The following KIF27 variants were observed in gnomAD, a reference collection of about 807,000 sequenced individuals.
KIF27 encodes the protein kinesin-like protein KIF27.
Under a neutral mutation model 141.8 loss-of-function variants are expected in KIF27, and 84 were observed. The ratio of observed to expected loss-of-function variants is 0.59; its 90% CI spans 0.50 to 0.71. The LOEUF is 0.71. KIF27 is among the 30% of genes least tolerant of loss of function. The probability of loss-of-function intolerance (pLI) is 0.00; values close to 1 mark genes in which losing one functional copy is unlikely to be tolerated. For synonymous variants in KIF27, 471 were observed against 569.5 expected (o/e 0.83, Z 2.46); for missense variants, 1,306 against 1,628.4 (o/e 0.80, Z 3.41).
chr9:83,883,472 T>C (rs1190904680), intron 10 of KIF27, among the ~76,000 whole-genome samples: 2 of 152,210 alleles, frequency 1.3e-5, no homozygotes, highest in African/African-American at 4.8e-5. Flanking sequence ...ATTTGTTGAG[T>C]GTCTACAAAG....
Position 83,908,533 on chromosome 9 carries a change from T to C in KIF27, c.418A>G (p.Lys140Glu), listed in dbSNP as rs748921730. ...TCTAGAAGATCTCTTAGGTCTTCCT[T>C]GTACACTTCTATATAAGATACTTTT... is the stretch of plus-strand genomic sequence containing the variant. Reference protein sequence around the residue: ...NVKVSYIEVYKEDLRDLLELE... With the variant: ...NVKVSYIEVYEEDLRDLLELE... The change falls in exon 3 of 18, where the codon AAG becomes GAG. Residue 140 changes from lysine to glutamate, a missense_variant. By Grantham distance (56) the Lys-to-Glu change is moderately conservative. Transcript: ENST00000297814. 3.7e-6 allele frequency: 6 copies of C among 1,610,466 alleles called. 1 individual carries two copies. In the South Asian group the frequency reaches 4.4e-5, roughly 12 times the overall value.
At position 83,860,702 on chromosome 9, in the gene KIF27, G is replaced by A. The variant is rs192705429; in HGVS notation, c.2935-1331C>T. ...TTCTTTTCTGGAAACATTTTGCCTG[G>A]AGCATCCATCCTCCTGCTCCACACT... On this transcript the variant is annotated intron_variant, in intron 13 of 17. Transcript: ENST00000297814. Among the ~76,000 whole-genome samples, 57 of 152,176 alleles carry A rather than the reference G, an allele frequency of 3.7e-4. No individual in the cohort carries two copies. In the East Asian group the frequency reaches 5.6e-3, roughly 15 times the overall value.
intron 3 of KIF27, among the ~76,000 whole-genome samples, chr9:83,907,975 A>G (rs1423236457): frequency 6.6e-6 from 1 of 152,158 alleles, no homozygotes; most frequent in Non-Finnish European, 1.5e-5. Context: ...TTTAAGAGAG[A>G]TTAATAGGCT....
Position 83,860,202 on chromosome 9 carries a change from A to G in KIF27, c.2935-831T>C, listed in dbSNP as rs1466679418. The G allele has an allele frequency of 3.3e-5, 5 of 152,176 alleles. No individual in the cohort carries two copies. The East Asian group carries it at 5.8e-4, about 18-fold the overall frequency. 9.4% of individuals were successfully genotyped at this position (152,176 alleles called of 1,614,324 possible). On this transcript the variant is annotated intron_variant, in intron 13 of 17. Transcript: ENST00000297814. ...TTCACAGTAATTATTTGTATATACT[A>G]CCATAAGGTTTATTATAGAGACACA...
Position 83,836,959 on chromosome 9 carries a change from G to A in KIF27, c.*42C>T, listed in dbSNP as rs566683803. On this transcript the variant is annotated 3_prime_UTR_variant, in exon 18 of 18. Transcript: ENST00000297814. ...TTAGTTTTTAACAGGTTAGAAAAAG[G>A]AATCTTTTTACATATCTACTAAAAG... The A allele has an allele frequency of 1.3e-6, 2 of 1,568,778 alleles. No individual in the cohort carries two copies. Among genetic ancestry groups the A allele is most frequent in the African/African-American group, 1.4e-5 (1 of 72,952 alleles).
rs746153634 is a variant in KIF27, at chr9:83,842,355, A to G, written c.3603T>C (p.Asp1201=). Residue 1201 remains aspartate, a synonymous_variant, in exon 17 of 18, where the codon GAT becomes GAC. Transcript: ENST00000297814. ...GATCTTTTTCCAACTGCTGGATTTTATCTTCATATGTTTTGAAAGTTTCCA... is the reference window on the plus strand; with the variant it reads ...GATCTTTTTCCAACTGCTGGATTTTGTCTTCATATGTTTTGAAAGTTTCCA... ...GIMETFKTYE[D]KIQQLEKDLY... 1.1e-5 allele frequency: 17 copies of G among 1,546,850 alleles called. No individual in the cohort carries two copies. The Admixed American group carries it at 3.5e-4, about 32-fold the overall frequency.
chr9:83,879,334 G>T (rs2132178047), intron 11 of KIF27, among the ~76,000 whole-genome samples: 1 of 148,900 alleles, frequency 6.7e-6, no homozygotes, highest in Middle Eastern at 3.4e-3. Flanking sequence ...TTTTTTTAAG[G>T]TCGGAAAATA....
At chr9:83,879,614 C>T (rs1420405531) in intron 11 of KIF27, among the ~76,000 whole-genome samples, 15 of 152,090 alleles carry the variant, frequency 9.9e-5, no homozygotes, top group Non-Finnish European at 2.9e-5. Flanking sequence ...TTATTATGAT[C>T]ATCATCATCT....
At chr9:83,899,906 T>C in intron 4 of KIF27, 102 bp from the exon 5 acceptor site, 1 of 942,126 alleles carries the variant, frequency 1.1e-6, no homozygotes, top group Non-Finnish European at 1.5e-6. Flanking sequence ...CTTGATGATG[T>C]CTCATAAATT....
chr9:83,834,510 ATTG>A lies in KIF27; in HGVS notation c.*2488_*2490del, dbSNP rs1945589329. 6.6e-6 allele frequency among the ~76,000 whole-genome samples: 1 copy of A among 152,014 alleles called. No homozygotes were observed. Among genetic ancestry groups the A allele is most frequent in the Non-Finnish European group, 1.5e-5 (1 of 67,918 alleles). On this transcript the variant is annotated 3_prime_UTR_variant, in exon 18 of 18. Transcript: ENST00000297814. ...CACAATTGCATAGTCAAACCTAATC[ATTG>A]TTGTTTTGATATAAATTTTCTTGCT...
At chr9:83,910,658 A>C (rs1263874646) in intron 2 of KIF27, among the ~76,000 whole-genome samples, 1 of 152,190 alleles carries the variant, frequency 6.6e-6, no homozygotes, top group Non-Finnish European at 1.5e-5. Flanking sequence ...CTAGACCCTC[A>C]GTTCAAGAAT....
chr9:83,890,296 C>T (rs1952545470), intron 6 of KIF27, among the ~76,000 whole-genome samples: 2 of 151,986 alleles, frequency 1.3e-5, no homozygotes, highest in Non-Finnish European at 2.9e-5. Flanking sequence ...GATAGATGGG[C>T]GTAAAGTTTT....
At chr9:83,890,719 C>T (rs2780182) in intron 6 of KIF27, among the ~76,000 whole-genome samples, 81 of 152,256 alleles carry the variant, frequency 5.3e-4, no homozygotes, top group African/African-American at 1.9e-3. Flanking sequence ...AATGAGGAAA[C>T]AGAAACCAGA....
At chr9:83,917,138 C>T (rs1420356541) in intron 1 of KIF27, among the ~76,000 whole-genome samples, 1 of 151,988 alleles carries the variant, frequency 6.6e-6, no homozygotes, top group Non-Finnish European at 1.5e-5. Context: ...CCCCCTTCCC[C>T]CACCCCACAA....
At chr9:83,848,100 ATGATATCTCATATCTGATATATC>A (rs1564283561) in intron 16 of KIF27, among the ~76,000 whole-genome samples, 4 of 42,508 alleles carry the variant, frequency 9.4e-5, no homozygotes, top group Admixed American at 1.8e-4. Flanking sequence ...TATGATATAT[ATGATATCTCATATCTGATATATC>A]TGATATCTCA....
At chr9:83,862,438 T>A (rs1210844532) in intron 13 of KIF27, among the ~76,000 whole-genome samples, 1 of 152,244 alleles carries the variant, frequency 6.6e-6, no homozygotes, top group Non-Finnish European at 1.5e-5. Flanking sequence ...AGGGAATCCT[T>A]TCCCCATTTC....
At chr9:83,860,781 G>A (rs1372052038) in intron 13 of KIF27, among the ~76,000 whole-genome samples, 4 of 152,088 alleles carry the variant, frequency 2.6e-5, no homozygotes, top group African/African-American at 9.7e-5. Flanking sequence ...TTCCATGTTG[G>A]AGCACATTTT....
Position 83,911,804 on chromosome 9 carries a change from T to G in KIF27, c.299-3152A>C, listed in dbSNP as rs545898370. Among the ~76,000 whole-genome samples the G allele has an allele frequency of 1.2e-3, 185 of 152,258 alleles. 1 individual carries two copies. The highest frequency in any genetic ancestry group is 3.4e-3 in the Middle Eastern group (1 of 294). ...GGTGATCCTCCCAAAGTACTGGGAT[T>G]ACAGAAGTGAGCCACCACGCCTGGC... On this transcript the variant is annotated intron_variant, in intron 2 of 17. Transcript: ENST00000297814.
chr9:83,848,331 C>CAGA, intron 16 of KIF27, among the ~76,000 whole-genome samples: 1 of 87,876 alleles, frequency 1.1e-5, no homozygotes, highest in African/African-American at 5.2e-5. Flanking sequence ...ATCTATATAT[C>CAGA]TATATATATC....
Sources: gnomAD v4.1 joint callset for allele counts (sites outside exome capture counted in the v4.1 genomes callset) on GRCh38, gnomAD v4.1.1 for gene constraint, MANE v1.5 for transcripts, NCBI Gene and HGNC (gene_info 2026-07-23, HGNC 2026-07-21) for gene names.